The following BTG4 variants were observed in gnomAD, a reference collection of about 807,000 sequenced individuals.
BTG4 encodes protein BTG4.
BTG4 carries 10 observed loss-of-function variants against 19.3 expected under a neutral mutation model. The ratio of observed to expected loss-of-function variants is 0.52; its 90% CI spans 0.32 to 0.88. BTG4 has a LOEUF of 0.88. Among genes scored for constraint, BTG4 ranks in the 40% least tolerant of loss-of-function variants. BTG4 has a pLI of 0.04. For synonymous variants in BTG4, 91 were observed against 95.7 expected (o/e 0.95, Z 0.29); for missense variants, 238 against 281.9 (o/e 0.84, Z 1.11).
At chr11:111,388,530 T>C in the BTG4 span, among the ~76,000 whole-genome samples, 63 of 152,192 alleles carry the variant, frequency 4.1e-4, no homozygotes, top group Admixed American at 4.1e-3. Flanking sequence ...AAGTGTAGCA[T>C]GGAACATCCT....
At chr11:111,456,155 T>C in the BTG4 span, among the ~76,000 whole-genome samples, 1 of 151,866 alleles carries the variant, frequency 6.6e-6, no homozygotes, top group Non-Finnish European at 1.5e-5. The surrounding 1 kb of genome is among the most constrained non-coding windows in gnomAD (Gnocchi z 4.2). Flanking sequence ...TTCCTGAAAA[T>C]AAAAGCCTGG....
downstream of BTG4, among the ~76,000 whole-genome samples, chr11:111,490,480 G>A (rs1203617116): frequency 6.6e-6 from 1 of 151,964 alleles, no homozygotes; most frequent in Non-Finnish European, 1.5e-5. Flanking sequence ...TAAAATACAA[G>A]GTACAAACTG....
the BTG4 span, among the ~76,000 whole-genome samples, chr11:111,431,579 CA>C: frequency 6.6e-6 from 1 of 152,190 alleles, no homozygotes; most frequent in Non-Finnish European, 1.5e-5. Context: ...CTCAAATATT[CA>C]CTGTTTAATC....
intron 5 of BTG4, among the ~76,000 whole-genome samples, chr11:111,470,526 C>T (rs1224918334): frequency 6.6e-6 from 1 of 152,166 alleles, no homozygotes; most frequent in Non-Finnish European, 1.5e-5. Context: ...AACTGTGACT[C>T]ATACTAACTT....
intron 5 of BTG4, among the ~76,000 whole-genome samples, chr11:111,473,894 A>G (rs780303955): frequency 2.0e-5 from 3 of 152,170 alleles, no homozygotes; most frequent in Non-Finnish European, 4.4e-5. Context: ...TACACCACAA[A>G]GATACCAACT....
At chr11:111,481,843 G>GGTA (rs1375716232) in intron 5 of BTG4, among the ~76,000 whole-genome samples, 2 of 151,664 alleles carry the variant, frequency 1.3e-5, no homozygotes, top group Non-Finnish European at 2.9e-5. Context: ...TTTTTTAAAA[G>GGTA]GTAGTATCTA....
upstream of BTG4, chr11:111,512,933 G>T (rs764918487): frequency 2.2e-6 from 1 of 446,590 alleles, no homozygotes; most frequent in Non-Finnish European, 4.6e-6. Context: ...AGCCGCGGGT[G>T]CCCGGTGCTC....
At chr11:111,501,375 A>C (rs1866069010) in intron 1 of BTG4, among the ~76,000 whole-genome samples, 1 of 152,096 alleles carries the variant, frequency 6.6e-6, no homozygotes, top group African/African-American at 2.4e-5. Flanking sequence ...CTCTCTCAAA[A>C]AAATAAAAAA....
At chr11:111,500,319 C>T (rs1044955498) in intron 1 of BTG4, among the ~76,000 whole-genome samples, 5 of 152,106 alleles carry the variant, frequency 3.3e-5, no homozygotes, top group Admixed American at 2.0e-4. Flanking sequence ...AAGTCTTTAA[C>T]GCTCAGGATT....
intron 1 of BTG4, among the ~76,000 whole-genome samples, chr11:111,503,877 G>A (rs1001793608): frequency 9.2e-5 from 14 of 152,224 alleles, no homozygotes; most frequent in South Asian, 8.3e-4. Context: ...GGTAAAACTC[G>A]AAAATCTGGT....
At chr11:111,473,324 T>G (rs759390587) in intron 5 of BTG4, 1 of 152,604 alleles carries the variant, frequency 6.6e-6, no homozygotes, top group Non-Finnish European at 1.5e-5. Context: ...ACAAAGATCT[T>G]CTGCTCTTCA....
chr11:111,397,426 T>C, the BTG4 span, among the ~76,000 whole-genome samples: 6 of 152,188 alleles, frequency 3.9e-5, no homozygotes, highest in Non-Finnish European at 8.8e-5. Flanking sequence ...TCTTAAAATT[T>C]CCACACCAGG....
the BTG4 span, among the ~76,000 whole-genome samples, chr11:111,436,892 G>A: frequency 6.6e-6 from 1 of 152,114 alleles, no homozygotes; most frequent in Admixed American, 6.5e-5. Context: ...TATTTCTCCG[G>A]CAGATGGCAG....
upstream of BTG4, chr11:111,514,688 G>A (rs547053209): frequency 5.2e-6 from 5 of 961,090 alleles, no homozygotes; most frequent in African/African-American, 8.6e-5. Flanking sequence ...AGGGCAGCCG[G>A]CAGGGGCTGG....
chr11:111,426,180 G>A, the BTG4 span, among the ~76,000 whole-genome samples: 1 of 152,114 alleles, frequency 6.6e-6, no homozygotes, highest in African/African-American at 2.4e-5. Context: ...TATGCTCAGT[G>A]TCTTCCCACA....
chr11:111,511,422 G>A (rs952219434), intron 1 of BTG4, among the ~76,000 whole-genome samples: 1 of 152,208 alleles, frequency 6.6e-6, no homozygotes. Flanking sequence ...CCCTGTTCAT[G>A]TTACTTGTGG....
chr11:111,464,869 T>C (rs1191657927), downstream of BTG4, among the ~76,000 whole-genome samples: 1 of 152,152 alleles, frequency 6.6e-6, no homozygotes, highest in African/African-American at 2.4e-5. Context: ...AAAGTACCCT[T>C]ATAACTATAA....
At chr11:111,505,417 CCATA>C (rs1866380059) in intron 1 of BTG4, among the ~76,000 whole-genome samples, 1 of 152,004 alleles carries the variant, frequency 6.6e-6, no homozygotes, top group African/African-American at 2.4e-5. Context: ...AACTGGCTAG[CCATA>C]TGCAGAAGAC....
chr11:111,419,416 C>T, the BTG4 span, among the ~76,000 whole-genome samples: 2 of 152,276 alleles, frequency 1.3e-5, no homozygotes, highest in Non-Finnish European at 2.9e-5. Context: ...GCCACCACCA[C>T]TTCCTGTACG....
Sources: allele counts gnomAD v4.1 joint callset (sites outside exome capture counted in the v4.1 genomes callset), GRCh38; gene constraint gnomAD v4.1.1; non-coding constraint Gnocchi (gnomAD v3.1); transcripts MANE v1.5; gene names NCBI Gene and HGNC (gene_info 2026-07-23, HGNC 2026-07-21).